CGGBP1: variants seen among roughly 807,000 people sequenced by gnomAD.
CGGBP1 encodes the protein CGG triplet repeat binding protein 1, also known as CGG triplet repeat-binding protein 1.
In CGGBP1, 4 loss-of-function variants were observed where a neutral mutation model predicts 11.4. That is an observed-to-expected ratio of 0.35 (90% confidence interval 0.17 to 0.80). The LOEUF (loss-of-function observed/expected upper bound fraction) is 0.80, where lower values mean the gene tolerates loss of function less well. CGGBP1 is among the 30% of genes least tolerant of loss of function. CGGBP1 has a pLI of 0.52. For missense variants in CGGBP1, 135 were observed against 202.1 expected, an observed-to-expected ratio of 0.67 and a Z score of 2.01; for synonymous variants, 76 against 74.1, an observed-to-expected ratio of 1.03 and a Z score of -0.13.
At chr3:88,059,055 CA>C, upstream of CGGBP1, 2 of 611,090 alleles carry the variant, frequency 3.3e-6, no homozygotes, top group Non-Finnish European at 5.3e-6. Context: ...CATTGACCAA[CA>C]GACGGCCGGT....
In CGGBP1 at chr3:88,055,544, G is replaced by C. The variant is rs753716488; in HGVS notation, c.433C>G (p.Gln145Glu). 1 of 1,590,320 alleles carries C rather than the reference G, an allele frequency of 6.3e-7. No homozygotes were observed. The highest frequency in any genetic ancestry group is 8.6e-7 in the Non-Finnish European group (1 of 1,164,020). ...KNGGSIPKSD[Q>E]LRRAYLPDGY... ...TCAGGAAGATATGCCCTCCGTAGCT[G>C]GTCTGACTTAGGTATGGAGCCTCCA... is the stretch of plus-strand genomic sequence containing the variant. The change falls in exon 4 of 4, where the codon CAG (glutamine) becomes GAG (glutamate). Residue 145 changes from glutamine (Q) to glutamate (E), a missense_variant. Coordinates refer to ENST00000482016, the MANE Select transcript of CGGBP1 (RefSeq NM_001008390.2). The surrounding 1 kb of genome is among the most constrained non-coding windows in gnomAD (Gnocchi z 4.2).
intron 2 of CGGBP1, among the ~76,000 whole-genome samples, chr3:88,067,513 G>A (rs1707267747): frequency 6.6e-6 from 1 of 152,214 alleles, no homozygotes; most frequent in African/African-American, 2.4e-5. Context: ...AAAGCTTGAG[G>A]AGCCTCAAAA....
At chr3:88,066,302 G>A (rs1171687750) in intron 2 of CGGBP1, among the ~76,000 whole-genome samples, 4 of 152,152 alleles carry the variant, frequency 2.6e-5, no homozygotes, top group African/African-American at 7.2e-5. Flanking sequence ...GCCAGGGTGT[G>A]GTGGCTCACA....
At chr3:88,142,602 TTATC>T (rs1707186726) in intron 1 of CGGBP1, 1 of 152,368 alleles carries the variant, frequency 6.6e-6, no homozygotes, top group African/African-American at 2.4e-5. Context: ...TTAATGTGAG[TTATC>T]TAAGTACAGT....
At chr3:88,122,230 G>GA (rs1265289458) in intron 2 of CGGBP1, among the ~76,000 whole-genome samples, 1 of 152,166 alleles carries the variant, frequency 6.6e-6, no homozygotes, top group East Asian at 1.9e-4. Context: ...GCATAGGTAA[G>GA]AAAAGACAAG....
chr3:88,105,364 A>T (rs1487622186), intron 2 of CGGBP1, among the ~76,000 whole-genome samples: 9 of 152,100 alleles, frequency 5.9e-5, no homozygotes, highest in Non-Finnish European at 1.3e-4. Context: ...TTTACAATTT[A>T]TGGTATTCTG....
At chr3:88,136,306 G>A (rs1359396268) in intron 2 of CGGBP1, among the ~76,000 whole-genome samples, 1 of 152,132 alleles carries the variant, frequency 6.6e-6, no homozygotes, top group African/African-American at 2.4e-5. Flanking sequence ...ATTTTCATAT[G>A]TGGGGTAAAC....
chr3:88,099,498 A>G (rs1244028417), intron 2 of CGGBP1, among the ~76,000 whole-genome samples: 3 of 152,208 alleles, frequency 2.0e-5, no homozygotes, highest in Admixed American at 2.0e-4. Flanking sequence ...TACGGAACCA[A>G]AAAAGAGCCC....
intron 2 of CGGBP1, among the ~76,000 whole-genome samples, chr3:88,077,727 A>G (rs1211139206): frequency 6.6e-6 from 1 of 152,234 alleles, no homozygotes; most frequent in African/African-American, 2.4e-5. Flanking sequence ...AATGCAATTT[A>G]ACAGAATATT....
At chr3:88,103,643 A>G (rs1472348629) in intron 2 of CGGBP1, among the ~76,000 whole-genome samples, 10 of 152,238 alleles carry the variant, frequency 6.6e-5, no homozygotes, top group African/African-American at 2.4e-4. Flanking sequence ...AACAAGAGAA[A>G]AAAAGACATG....
chr3:88,146,688 C>T (rs1468790177), intron 1 of CGGBP1, among the ~76,000 whole-genome samples: 2 of 152,174 alleles, frequency 1.3e-5, no homozygotes, highest in East Asian at 3.9e-4. Context: ...CTACCCTCAT[C>T]ATGTAATTTT....
At chr3:88,109,386 T>C (rs118033995) in intron 2 of CGGBP1, among the ~76,000 whole-genome samples, 2 of 152,038 alleles carry the variant, frequency 1.3e-5, no homozygotes, top group Non-Finnish European at 2.9e-5. Context: ...AAAAGTTGAG[T>C]GTTTTAAATA....
intron 2 of CGGBP1, among the ~76,000 whole-genome samples, chr3:88,093,040 T>G (rs576793650): frequency 6.6e-6 from 1 of 152,344 alleles, no homozygotes; most frequent in South Asian, 2.1e-4. Flanking sequence ...TAACTTTACC[T>G]GGGTTGACTA....
chr3:88,061,025 T>A (rs1706850558), upstream of CGGBP1, among the ~76,000 whole-genome samples: 3 of 152,278 alleles, frequency 2.0e-5, no homozygotes, highest in South Asian at 6.2e-4. Flanking sequence ...TTTTGATAAT[T>A]GGCATTCACT....
At chr3:88,063,532 A>C (rs570770678), upstream of CGGBP1, among the ~76,000 whole-genome samples, 1 of 152,328 alleles carries the variant, frequency 6.6e-6, no homozygotes, top group East Asian at 1.9e-4. Context: ...TATAGGATTT[A>C]CATAATACTT....
In CGGBP1 at chr3:88,054,286, G is replaced by T. The variant is rs1244432625; in HGVS notation, c.*1187C>A. On this transcript the variant is annotated 3_prime_UTR_variant, in exon 4 of 4. Transcript: ENST00000482016. The stretch of plus-strand genomic sequence containing the variant: ...TTTGGGTCTCTGATAGAACTTAGCT[G>T]GGCTAAGCTACTTGGATAACCTTAC... 6.6e-6 allele frequency: 1 copy of T among 152,400 alleles called. No individual in the cohort carries two copies. Among genetic ancestry groups the T allele is most frequent in the Non-Finnish European group, 1.5e-5 (1 of 68,004 alleles). The allele number at this position is 152,400 out of a possible 1,614,324, so 9.4% of individuals were successfully genotyped here.
intron 2 of CGGBP1, among the ~76,000 whole-genome samples, chr3:88,096,826 G>C (rs1299065076): frequency 6.6e-6 from 1 of 152,046 alleles, no homozygotes; most frequent in East Asian, 1.9e-4. Flanking sequence ...CCTAGTTTCT[G>C]TATCTGTAGC....
chr3:88,057,046 C>T (rs1320698936), intron 3 of CGGBP1, 145 bp downstream of exon 3: 3 of 152,034 alleles, frequency 2.0e-5, no homozygotes, highest in Admixed American at 6.5e-5. Context: ...ATAACCAAGA[C>T]TTAAGAAGTT....
At chr3:88,127,939 A>G (rs946680465) in intron 2 of CGGBP1, among the ~76,000 whole-genome samples, 1 of 152,214 alleles carries the variant, frequency 6.6e-6, no homozygotes, top group African/African-American at 2.4e-5. Context: ...CAGAATTGCA[A>G]GACAAATTTT....
Sources: gnomAD v4.1 joint callset for allele counts (sites outside exome capture counted in the v4.1 genomes callset) on GRCh38, gnomAD v4.1.1 for gene constraint, Gnocchi (gnomAD v3.1) non-coding constraint, MANE v1.5 for transcripts, NCBI Gene and HGNC (gene_info 2026-07-23, HGNC 2026-07-21) for gene names.